Variants in CORIN observed in about 807,000 individuals in gnomAD.
CORIN encodes the protein corin, serine peptidase.
In CORIN, 117 loss-of-function variants were observed where a neutral mutation model predicts 125.3. The ratio of observed to expected loss-of-function variants is 0.93; its 90% CI spans 0.80 to 1.09. The LOEUF is 1.09. Among genes scored for constraint, CORIN ranks in the 50% least tolerant of loss-of-function variants. The pLI, the probability that CORIN is intolerant of heterozygous loss-of-function variation, is 0.00. For missense variants in CORIN, 1,253 were observed against 1,306.7 expected, an observed-to-expected ratio of 0.96 and a Z score of 0.63; for synonymous variants, 450 against 466.4, an observed-to-expected ratio of 0.96 and a Z score of 0.45.
chr4:47,814,514 T>C (rs1018964293), intron 1 of CORIN, among the ~76,000 whole-genome samples: 6 of 152,170 alleles, frequency 3.9e-5, no homozygotes, highest in African/African-American at 1.4e-4. Flanking sequence ...TAAGAAATTA[T>C]GAAAGTGACC....
At chr4:47,809,274 G>A (rs1242404917) in intron 1 of CORIN, among the ~76,000 whole-genome samples, 1 of 152,062 alleles carries the variant, frequency 6.6e-6, no homozygotes, top group East Asian at 1.9e-4. Flanking sequence ...TAAAGAGTCA[G>A]TGGAGAAAAT....
intron 19 of CORIN, 42 bp downstream of exon 19, chr4:47,623,529 G>A: frequency 6.3e-7 from 1 of 1,596,962 alleles, no homozygotes; most frequent in Non-Finnish European, 8.6e-7. Flanking sequence ...GTGACAAAGT[G>A]ATCAAATCCA....
intron 13 of CORIN, among the ~76,000 whole-genome samples, chr4:47,650,888 A>G (rs1290191775): frequency 2.0e-5 from 3 of 152,168 alleles, no homozygotes; most frequent in African/African-American, 7.2e-5. Context: ...ATTCATCCCA[A>G]CACTTGCTGA....
chr4:47,693,419 T>C (rs1316805205), intron 5 of CORIN, among the ~76,000 whole-genome samples: 1 of 152,204 alleles, frequency 6.6e-6, no homozygotes, highest in African/African-American at 2.4e-5. Flanking sequence ...GGTGTATCTT[T>C]CTAAATAATT....
At chr4:47,695,811 C>T (rs979920597) in intron 5 of CORIN, among the ~76,000 whole-genome samples, 6 of 152,134 alleles carry the variant, frequency 3.9e-5, no homozygotes, top group Admixed American at 6.5e-5. Context: ...TATTAAAGTA[C>T]TACAAACATA....
chr4:47,829,510 C>A (rs1002007192), intron 1 of CORIN, among the ~76,000 whole-genome samples: 7 of 152,082 alleles, frequency 4.6e-5, no homozygotes, highest in African/African-American at 1.7e-4. Flanking sequence ...AATTATCAAA[C>A]CTGAAGAGGG....
chr4:47,786,713 C>T lies in CORIN; in HGVS notation c.409+12G>A, dbSNP rs61764288. The T allele has an allele frequency of 2.8e-3, 4,453 of 1,610,124 alleles. 10 individuals carry two copies. The highest frequency in any genetic ancestry group is 3.5e-3 in the Non-Finnish European group (4,062 of 1,176,374). Reference sequence around the variant, plus strand: ...ATTAAAAGCCTCTAGCATGTATCACCTTTGGACTTACTTGTATTCCTGTGA... The same window carrying T: ...ATTAAAAGCCTCTAGCATGTATCACTTTTGGACTTACTTGTATTCCTGTGA... On this transcript the variant is annotated intron_variant, in intron 3 of 21. Transcript: ENST00000273857.
chr4:47,617,516 T>C (rs34996787), intron 19 of CORIN, among the ~76,000 whole-genome samples: 40,997 of 152,124 alleles, frequency 0.27, 5,671 homozygotes, highest in Admixed American at 0.35. Flanking sequence ...AACATTTCCA[T>C]AGAGGGCAGG....
intron 4 of CORIN, among the ~76,000 whole-genome samples, chr4:47,762,602 T>C (rs965398047): frequency 1.3e-5 from 2 of 152,220 alleles, no homozygotes; most frequent in African/African-American, 4.8e-5. Flanking sequence ...TGCCTCCCAG[T>C]GTTGAGTGGA....
chr4:47,767,714 T>C (rs1448484147), intron 3 of CORIN, among the ~76,000 whole-genome samples: 2 of 152,112 alleles, frequency 1.3e-5, no homozygotes, highest in Admixed American at 1.3e-4. Context: ...AATAGGATGC[T>C]AAGAAAAAGA....
intron 5 of CORIN, among the ~76,000 whole-genome samples, chr4:47,731,143 A>G (rs1486104301): frequency 6.6e-6 from 1 of 152,260 alleles, no homozygotes; most frequent in Non-Finnish European, 1.5e-5. Context: ...AACAACTGAA[A>G]GAACTACATT....
intron 5 of CORIN, among the ~76,000 whole-genome samples, chr4:47,715,471 G>GGCA (rs1727047206): frequency 6.6e-6 from 1 of 152,152 alleles, no homozygotes; most frequent in Admixed American, 6.5e-5. Context: ...GCCGTGTGGT[G>GGCA]GCAGATGCCT....
At chr4:47,832,823 G>A (rs988675459) in intron 1 of CORIN, among the ~76,000 whole-genome samples, 2 of 152,140 alleles carry the variant, frequency 1.3e-5, no homozygotes, top group East Asian at 1.9e-4. Flanking sequence ...AGCCTGCAAC[G>A]AAGGAGATCA....
At chr4:47,799,272 T>A (rs1731430494) in intron 2 of CORIN, among the ~76,000 whole-genome samples, 1 of 152,080 alleles carries the variant, frequency 6.6e-6, no homozygotes, top group African/African-American at 2.4e-5. Context: ...GTGGAATGAT[T>A]TATTTTCTTT....
intron 7 of CORIN, chr4:47,681,297 G>A (rs1469323162): frequency 5.3e-5 from 8 of 152,326 alleles, no homozygotes; most frequent in Admixed American, 5.2e-4. Flanking sequence ...AGCATAAGAA[G>A]TGCTTGGGCA....
At chr4:47,665,343 CTA>C in intron 10 of CORIN, 80 bp from the exon 11 acceptor site, 2 of 992,728 alleles carry the variant, frequency 2.0e-6, no homozygotes, top group South Asian at 3.2e-5. Context: ...AACTTGAAGT[CTA>C]TTTTATTCTT....
chr4:47,751,272 G>A (rs1374828392), intron 4 of CORIN, among the ~76,000 whole-genome samples: 3 of 151,888 alleles, frequency 2.0e-5, no homozygotes, highest in South Asian at 2.1e-4. Context: ...TTATTTTTTC[G>A]GGGAGTATAG....
At chr4:47,766,017 G>C (rs949707974) in intron 3 of CORIN, among the ~76,000 whole-genome samples, 1 of 152,104 alleles carries the variant, frequency 6.6e-6, no homozygotes, top group African/African-American at 2.4e-5. Context: ...CTTTAATCCA[G>C]CCGTTGAAAT....
chr4:47,778,612 G>A (rs1390776043), intron 3 of CORIN, among the ~76,000 whole-genome samples: 1 of 152,204 alleles, frequency 6.6e-6, no homozygotes. Context: ...TTACTAGAAT[G>A]CTGACAACCA....
Sources: allele counts gnomAD v4.1 joint callset (sites outside exome capture counted in the v4.1 genomes callset), GRCh38; gene constraint gnomAD v4.1.1; transcripts MANE v1.5; gene names NCBI Gene and HGNC (gene_info 2026-07-23, HGNC 2026-07-21).